CASP6: variants seen among roughly 807,000 people sequenced by gnomAD.
The protein encoded by CASP6 is caspase 6.
In CASP6, 20 loss-of-function variants were observed where a neutral mutation model predicts 31.8. That is an observed-to-expected ratio of 0.63 (90% CI 0.44 to 0.91). The LOEUF (loss-of-function observed/expected upper bound fraction) is 0.91, where lower values mean the gene tolerates loss of function less well. Ranked by LOEUF, CASP6 falls within the 40% of genes least tolerant of loss-of-function variation. The pLI is 0.00. For synonymous variants in CASP6, 130 were observed against 127.8 expected, an observed-to-expected ratio of 1.02 and a Z score of -0.12; for missense variants, 328 against 361.1, an observed-to-expected ratio of 0.91 and a Z score of 0.74.
upstream of CASP6, among the ~76,000 whole-genome samples, chr4:109,704,497 A>G (rs991816849): frequency 2.6e-5 from 4 of 152,226 alleles, no homozygotes; most frequent in Non-Finnish European, 5.9e-5. Flanking sequence ...AATCCAGAGC[A>G]AGGCCCTAAC....
rs1291441427 is a variant in CASP6 at position 109,688,999 on chromosome 4, C to T, written c.*331G>A. ...GAAAGACATTTTCTTTTTTTTGAGA[C>T]GGAGTTTCACTCGTTGCCCAGGCTG... is the stretch of plus-strand genomic sequence containing the variant. On this transcript the variant is annotated 3_prime_UTR_variant, in exon 7 of 7. Transcript: ENST00000265164. 4 of 184,684 alleles carry T rather than the reference C, an allele frequency of 2.2e-5. No individual in the cohort carries two copies. Among genetic ancestry groups the T allele is most frequent in the Non-Finnish European group, 3.5e-5 (3 of 86,470 alleles). The allele number at this position is 184,684 out of a possible 1,614,324, so 11.4% of individuals were successfully genotyped here. A position where few individuals can be genotyped will look rare whatever the true frequency, so the allele number is the denominator to read the frequency against.
the CASP6 span, among the ~76,000 whole-genome samples, chr4:109,666,657 T>A: frequency 6.6e-6 from 1 of 152,206 alleles, no homozygotes; most frequent in South Asian, 2.1e-4. Context: ...TCTTTTGAGT[T>A]CTTTGTATGT....
At chr4:109,707,570 G>A (rs923846199), upstream of CASP6, among the ~76,000 whole-genome samples, 4 of 152,012 alleles carry the variant, frequency 2.6e-5, no homozygotes, top group East Asian at 5.8e-4. Context: ...ATTTTTAGTA[G>A]AGATGGGGTT....
At chr4:109,678,578 C>T in the CASP6 span, among the ~76,000 whole-genome samples, 2 of 142,800 alleles carry the variant, frequency 1.4e-5, no homozygotes, top group African/African-American at 5.3e-5. Flanking sequence ...GAGCTCCTCA[C>T]CTCCCAGACA....
upstream of CASP6, among the ~76,000 whole-genome samples, chr4:109,705,135 G>A (rs1341157008): frequency 1.3e-5 from 2 of 152,176 alleles, no homozygotes; most frequent in African/African-American, 2.4e-5. Context: ...GCTCTTGTTA[G>A]GGGCTAATAC....
chr4:109,682,261 C>T, the CASP6 span, among the ~76,000 whole-genome samples: 568 of 151,836 alleles, frequency 3.7e-3, 16 homozygotes, highest in South Asian at 0.06. Context: ...TTTCTTGTAG[C>T]TGCTTATGCT....
At position 109,690,760 on chromosome 4, in the gene CASP6, C is replaced by T. The variant is rs1392078887; in HGVS notation, c.643+90G>A. On this transcript the variant is annotated intron_variant, in intron 6 of 6. Coordinates refer to ENST00000265164, the MANE Select transcript of CASP6 (RefSeq NM_001226.4). ...CAGGATGGAATCACCATGTCCCAAC[C>T]GAAAGATCTGACCCAAACCAATCAA... is the stretch of plus-strand genomic sequence containing the variant. 3.7e-5 allele frequency: 51 copies of T among 1,374,964 alleles called. No homozygotes were observed. In the Middle Eastern group the frequency reaches 9.4e-4, roughly 25 times the overall value. The allele number at this position is 1,374,964 out of a possible 1,614,324, so 85.2% of individuals were successfully genotyped here.
intron 5 of CASP6, among the ~76,000 whole-genome samples, chr4:109,693,745 T>TC: frequency 6.6e-6 from 1 of 151,358 alleles, no homozygotes; most frequent in South Asian, 2.1e-4. Context: ...AAAAAAAATT[T>TC]TTTTTTTTTT....
At chr4:109,698,471 A>G in intron 1 of CASP6, 129 bp from the exon 2 acceptor site, 3 of 657,976 alleles carry the variant, frequency 4.6e-6, no homozygotes, top group Non-Finnish European at 7.3e-6. Context: ...TAAAAGCCAA[A>G]GTATGTGAAG....
In CASP6 at chr4:109,703,385, G is replaced by A. The variant is rs1730492463; in HGVS notation, c.11C>T (p.Ala4Val). The A allele has an allele frequency of 1.2e-6, 2 of 1,611,756 alleles. No homozygotes were observed. Among genetic ancestry groups the A allele is most frequent in the Non-Finnish European group, 8.5e-7 (1 of 1,179,264 alleles). ...CGGGTGCCCCCTGCGGAGCCCCGAG[G>A]CCGAGCTCATTGCAGCCAAACGCGC... MSS[A>V]SGLRRGHPAG... Residue 4 changes from alanine to valine, a missense_variant, in exon 1 of 7, where the codon GCC (alanine) becomes GTC (valine). Transcript: ENST00000265164.
chr4:109,666,635 GGTT>G, the CASP6 span, among the ~76,000 whole-genome samples: 1 of 152,236 alleles, frequency 6.6e-6, no homozygotes, highest in South Asian at 2.1e-4. Flanking sequence ...TTTGTGATCA[GGTT>G]GTTCATTTTC....
chr4:109,692,691 C>T (rs1415164898), intron 5 of CASP6: 1 of 152,228 alleles, frequency 6.6e-6, no homozygotes, highest in Non-Finnish European at 1.5e-5. Flanking sequence ...GTAAACTCAT[C>T]TAATCCCATG....
At chr4:109,681,449 G>A in the CASP6 span, 2 of 453,668 alleles carry the variant, frequency 4.4e-6, no homozygotes, top group South Asian at 1.6e-5. Context: ...TGTTACCGGG[G>A]GTCCTTGCTC....
At chr4:109,701,253 A>C (rs563259071) in intron 1 of CASP6, among the ~76,000 whole-genome samples, 1 of 152,204 alleles carries the variant, frequency 6.6e-6, no homozygotes, top group South Asian at 2.1e-4. Context: ...ATGAGCCACC[A>C]CGCCCGGCCT....
chr4:109,696,548 C>T (rs751269567), intron 3 of CASP6, 62 bp from the exon 4 acceptor site: 2 of 1,098,900 alleles, frequency 1.8e-6, no homozygotes, highest in East Asian at 4.8e-5. Flanking sequence ...AATACCCTTA[C>T]TTTGGAAGAA....
chr4:109,684,140 G>T (rs1487714436), downstream of CASP6, among the ~76,000 whole-genome samples: 7 of 149,662 alleles, frequency 4.7e-5, no homozygotes, highest in Non-Finnish European at 8.8e-5. Flanking sequence ...TTGGCTCACT[G>T]CAAGCTCCAC....
chr4:109,681,568 C>T, the CASP6 span: 3 of 396,040 alleles, frequency 7.6e-6, no homozygotes, highest in Non-Finnish European at 1.5e-5. Flanking sequence ...AATCTTGGGC[C>T]ATGCAGTGTT....
chr4:109,690,901 A>G lies in CASP6; in HGVS notation c.592T>C (p.Tyr198His), dbSNP rs779058835. 1.6e-5 allele frequency: 26 copies of G among 1,613,378 alleles called. No individual in the cohort carries two copies. The highest frequency in any genetic ancestry group is 2.0e-5 in the Non-Finnish European group (24 of 1,179,720). ...AAGTCAGCTCCAGCAGGCAGCGTGT[A>G]AACGGAGGCTGCATCCACCTCAGTT... ...NITEVDAASV[Y>H]TLPAGADFLM... Residue 198 changes from tyrosine (Y) to histidine (H), a missense_variant, in exon 6 of 7, where the codon TAC becomes CAC. Physicochemically the swap from Tyr to His is moderately conservative, Grantham distance 83. Transcript: ENST00000265164.
downstream of CASP6, among the ~76,000 whole-genome samples, chr4:109,687,123 G>A (rs1165034128): frequency 6.6e-6 from 1 of 151,982 alleles, no homozygotes; most frequent in African/African-American, 2.4e-5. Context: ...GGGAAGCCAA[G>A]GTGGGCAAAT....
Sources: gnomAD v4.1 joint callset for allele counts (sites outside exome capture counted in the v4.1 genomes callset) on GRCh38, gnomAD v4.1.1 for gene constraint, MANE v1.5 for transcripts, NCBI Gene and HGNC (gene_info 2026-07-23, HGNC 2026-07-21) for gene names.